The following NRCAM variants were observed in gnomAD, a reference collection of about 807,000 sequenced individuals.
NRCAM encodes neuronal cell adhesion molecule, also known as NgCAM-related cell adhesion molecule.
In NRCAM, 83 loss-of-function variants were observed where a neutral mutation model predicts 156.5. That is an observed-to-expected ratio of 0.53 (90% CI 0.44 to 0.64). The LOEUF (loss-of-function observed/expected upper bound fraction) is 0.64. Ranked by LOEUF, NRCAM falls within the 30% of genes least tolerant of loss-of-function variation. NRCAM has a pLI of 0.00. For missense variants in NRCAM, 1,417 were observed against 1,597.3 expected, an observed-to-expected ratio of 0.89 and a Z score of 1.92; for synonymous variants, 538 against 563.9, an observed-to-expected ratio of 0.95 and a Z score of 0.65.
intron 1 of NRCAM, among the ~76,000 whole-genome samples, chr7:108,422,450 C>G (rs1031663560): frequency 1.3e-5 from 2 of 152,106 alleles, no homozygotes; most frequent in Non-Finnish European, 2.9e-5. Flanking sequence ...TGAATACTCA[C>G]TTACTGTATC....
Position 108,195,880 on chromosome 7 carries a change from T to G in NRCAM, c.1352-8A>C. 1 of 1,552,534 alleles carries G rather than the reference T, an allele frequency of 6.4e-7. No individual in the cohort carries two copies. The highest frequency in any genetic ancestry group is 1.1e-5 in the South Asian group (1 of 89,298). On this transcript the variant is annotated splice_region_variant and splice_polypyrimidine_tract_variant and intron_variant, in intron 14 of 32. Coordinates refer to ENST00000379028, the MANE Select transcript of NRCAM (RefSeq NM_001037132.4). ...GGATTCGTGGTGGCTCAGCTACAAATATTTTTAAAAGGTAAAGTAAATATT... is the reference window on the plus strand; with the variant it reads ...GGATTCGTGGTGGCTCAGCTACAAAGATTTTTAAAAGGTAAAGTAAATATT...
At chr7:108,410,764 T>C (rs952780418) in intron 1 of NRCAM, among the ~76,000 whole-genome samples, 1 of 152,148 alleles carries the variant, frequency 6.6e-6, no homozygotes, top group Admixed American at 6.5e-5. Context: ...CTATCAGGGA[T>C]AGTGGAGGAA....
chr7:108,265,884 A>G (rs1484074466), intron 3 of NRCAM, among the ~76,000 whole-genome samples: 6 of 152,190 alleles, frequency 3.9e-5, no homozygotes, highest in Admixed American at 3.9e-4. Context: ...AAAATACACC[A>G]TTGATGTTTA....
intron 19 of NRCAM, among the ~76,000 whole-genome samples, chr7:108,190,268 C>T (rs2070355299): frequency 6.6e-6 from 1 of 152,066 alleles, no homozygotes. Context: ...TGGAGGTAGC[C>T]CTCAGCATGC....
At position 108,298,142 on chromosome 7, in the gene NRCAM, A is replaced by G. The variant is rs150015688; in HGVS notation, c.-107+14523T>C. Among the ~76,000 whole-genome samples, 433 of 152,344 alleles carry G rather than the reference A, an allele frequency of 2.8e-3. 7 individuals carry two copies. The highest frequency in any genetic ancestry group is 5.4e-4 in the Non-Finnish European group (37 of 68,034). On this transcript the variant is annotated intron_variant, in intron 3 of 32. Transcript: ENST00000379028. ...ATTAATAAAACTAAATACGGATTTA[A>G]ATAAAATCCACGTTGCAAAGCTATA...
intron 2 of NRCAM, among the ~76,000 whole-genome samples, chr7:108,379,740 A>C (rs1263947504): frequency 6.6e-6 from 1 of 152,216 alleles, no homozygotes; most frequent in Non-Finnish European, 1.5e-5. Context: ...TTACTTTACA[A>C]ATTTTTTTAA....
At chr7:108,367,373 T>A (rs1172599913) in intron 2 of NRCAM, among the ~76,000 whole-genome samples, 1 of 152,204 alleles carries the variant, frequency 6.6e-6, no homozygotes, top group Non-Finnish European at 1.5e-5. Context: ...AAGAATGCAT[T>A]TGATTTATAA....
intron 14 of NRCAM, 147 bp downstream of exon 14, chr7:108,197,809 G>A: frequency 2.1e-6 from 1 of 487,514 alleles, no homozygotes; most frequent in Non-Finnish European, 3.4e-6. Context: ...ATTCTTTGGG[G>A]CAAGGTTTAT....
chr7:108,343,799 C>T (rs1427517614), intron 2 of NRCAM, among the ~76,000 whole-genome samples: 2 of 152,190 alleles, frequency 1.3e-5, no homozygotes, highest in East Asian at 1.9e-4. Context: ...CAGATATAGT[C>T]AGGGCCTGTA....
chr7:108,168,463 T>A (rs2056327489), intron 28 of NRCAM, 61 bp from the exon 29 acceptor site: 1 of 1,374,342 alleles, frequency 7.3e-7, no homozygotes, highest in Non-Finnish European at 9.6e-7. Context: ...CACACGAATA[T>A]AAAATAAGTT....
At chr7:108,436,172 A>G (rs141901173) in intron 1 of NRCAM, among the ~76,000 whole-genome samples, 3,609 of 152,248 alleles carry the variant, frequency 0.024, 63 homozygotes, top group African/African-American at 0.037. Context: ...ATTCGCTCAC[A>G]CACGTATACC....
At chr7:108,349,292 G>A (rs1337974466) in intron 2 of NRCAM, among the ~76,000 whole-genome samples, 4 of 148,598 alleles carry the variant, frequency 2.7e-5, no homozygotes, top group Admixed American at 6.7e-5. Flanking sequence ...TTTTTGAGAC[G>A]GAGTCTCACT....
intron 22 of NRCAM, 48 bp from the exon 23 acceptor site, chr7:108,182,968 A>C: frequency 7.0e-7 from 1 of 1,431,770 alleles, no homozygotes; most frequent in Non-Finnish European, 9.8e-7. Context: ...AATCAACTGC[A>C]CAATCTTTTA....
At chr7:108,333,836 C>T (rs747819232) in intron 2 of NRCAM, among the ~76,000 whole-genome samples, 10 of 152,166 alleles carry the variant, frequency 6.6e-5, no homozygotes, top group Non-Finnish European at 1.3e-4. Flanking sequence ...CTACTAGTCA[C>T]TCATCTTTCT....
At chr7:108,190,384 CAG>C (rs1238674851) in intron 19 of NRCAM, among the ~76,000 whole-genome samples, 1 of 152,154 alleles carries the variant, frequency 6.6e-6, no homozygotes, top group Non-Finnish European at 1.5e-5. Context: ...TTCTGAGATC[CAG>C]AGAGTTACTG....
chr7:108,192,506 T>C (rs2072583066), intron 17 of NRCAM, among the ~76,000 whole-genome samples: 1 of 151,998 alleles, frequency 6.6e-6, no homozygotes, highest in Non-Finnish European at 1.5e-5. Flanking sequence ...GTGGAAAAAC[T>C]GTCTTCCATG....
intron 2 of NRCAM, among the ~76,000 whole-genome samples, chr7:108,327,162 T>C (rs1037062728): frequency 7.2e-5 from 11 of 152,198 alleles, no homozygotes; most frequent in African/African-American, 2.2e-4. Flanking sequence ...TTGGAAAGGA[T>C]ACTGGTCCGA....
intron 20 of NRCAM, among the ~76,000 whole-genome samples, 191 bp from the exon 21 acceptor site, chr7:108,184,805 T>C (rs1022836484): frequency 3.3e-5 from 5 of 152,180 alleles, no homozygotes; most frequent in African/African-American, 1.2e-4. Flanking sequence ...ACACACATGA[T>C]AACATTTTAG....
intron 3 of NRCAM, 48 bp downstream of exon 3, chr7:108,312,617 C>T (rs955988012): frequency 6.6e-6 from 1 of 152,094 alleles, no homozygotes; most frequent in African/African-American, 2.4e-5. Context: ...TATTATAATT[C>T]TCATCTTTAA....
Sources: gnomAD v4.1 joint callset for allele counts (sites outside exome capture counted in the v4.1 genomes callset) on GRCh38, gnomAD v4.1.1 for gene constraint, MANE v1.5 for transcripts, NCBI Gene and HGNC (gene_info 2026-07-23, HGNC 2026-07-21) for gene names.